Variants in UNC80 observed in about 807,000 individuals in gnomAD.
UNC80 encodes the protein protein unc-80 homolog.
Under a neutral mutation model 384.6 loss-of-function variants are expected in UNC80, and 164 were observed. The observed-to-expected ratio is 0.43, with a 90% CI of 0.38 to 0.49. The LOEUF (loss-of-function observed/expected upper bound fraction) is 0.49, where lower values mean the gene tolerates loss of function less well. Ranked by LOEUF, UNC80 falls within the 20% of genes least tolerant of loss-of-function variation. The pLI, the probability that UNC80 is intolerant of heterozygous loss-of-function variation, is 0.00. For synonymous variants in UNC80, 1,486 were observed against 1,527.8 expected (o/e 0.97, Z 0.64); for missense variants, 3,330 against 4,143.0 (o/e 0.80, Z 5.39).
At chr2:209,962,242 G>C (rs1339929302) in intron 51 of UNC80, among the ~76,000 whole-genome samples, 3 of 152,072 alleles carry the variant, frequency 2.0e-5, no homozygotes, top group African/African-American at 7.2e-5. Context: ...CAGGAAAAAA[G>C]GTTCTGGTTT....
rs953833390 is a variant in UNC80, at chr2:209,977,142, C to T, written c.8938+64C>T. The T allele has an allele frequency of 1.5e-5, 21 of 1,398,282 alleles. No homozygotes were observed. The African/African-American group carries it at 2.4e-4, about 16-fold the overall frequency. 86.6% of individuals were successfully genotyped at this position (1,398,282 alleles called of 1,614,324 possible). A position where few individuals can be genotyped will look rare whatever the true frequency, so the allele number is the denominator to read the frequency against. The stretch of plus-strand genomic sequence containing the variant: ...ATGGAACTCACAGCCTACAAAGAAT[C>T]CCTCTGTCCAGGTCACCACACTTTT... On this transcript the variant is annotated intron_variant, in intron 58 of 64. Coordinates refer to ENST00000673920, the MANE Select transcript of UNC80 (RefSeq NM_001371986.1).
rs185050865 is a variant in UNC80, at chr2:209,906,578, A to G, written c.4782+1613A>G. Among the ~76,000 whole-genome samples the G allele has an allele frequency of 1.8e-3, 269 of 152,292 alleles. 1 individual carries two copies. The highest frequency in any genetic ancestry group is 6.3e-3 in the African/African-American group (260 of 41,576). ...ATGTATTTAGCTAGACTTTAACCTT[A>G]GAAATATGGAACATCAGAGTCAGGG... On this transcript the variant is annotated intron_variant, in intron 29 of 64. Transcript: ENST00000673920.
chr2:209,831,334 T>C (rs912555293), intron 15 of UNC80, 109 bp from the exon 16 acceptor site: 4 of 1,160,130 alleles, frequency 3.4e-6, no homozygotes, highest in Non-Finnish European at 4.7e-6. Flanking sequence ...CTTGTTTCTG[T>C]ATTTCACATA....
Position 209,979,900 on chromosome 2 carries a change from A to G in UNC80, c.9118+1192A>G, listed in dbSNP as rs192179969. On this transcript the variant is annotated intron_variant, in intron 59 of 64. Transcript: ENST00000673920. The stretch of plus-strand genomic sequence containing the variant: ...AGAAGAAACGAGAGTTGAGGTTAGA[A>G]TTTTAATTAACTAAGATGAATAAAA... 1.3e-3 allele frequency among the ~76,000 whole-genome samples: 192 copies of G among 152,326 alleles called. 1 individual carries two copies. Among genetic ancestry groups the G allele is most frequent in the African/African-American group, 4.4e-3 (181 of 41,588 alleles).
At chr2:209,776,926 CTA>C (rs995787252) in intron 3 of UNC80, among the ~76,000 whole-genome samples, 7 of 152,202 alleles carry the variant, frequency 4.6e-5, no homozygotes, top group African/African-American at 1.7e-4. Context: ...AATATCACTC[CTA>C]TAGAGGGACC....
chr2:209,959,791 G>T (rs1162284801), intron 51 of UNC80, 84 bp downstream of exon 51: 23 of 1,280,206 alleles, frequency 1.8e-5, no homozygotes, highest in Non-Finnish European at 1.8e-5. Flanking sequence ...GAGAGTGGGG[G>T]TTCTCCAGGA....
At chr2:209,797,025 T>C (rs181867678) in intron 7 of UNC80, among the ~76,000 whole-genome samples, 15 of 152,312 alleles carry the variant, frequency 9.8e-5, no homozygotes, top group Admixed American at 3.3e-4. Flanking sequence ...TTTTTATTTC[T>C]ATTGGGTTGC....
At position 209,817,835 on chromosome 2, in the gene UNC80, T is replaced by C; in HGVS notation, c.1576T>C (p.Ser526Pro). ...ILGKLTRRGS[S>P]DAATEMESLS... ...AGGGAAATTGACCCGGCGAGGCAGT[T>C]CAGATGCAGCCACTGAGATGGAGAG... Residue 526 changes from serine to proline, a missense_variant, in exon 11 of 65, where the codon TCA becomes CCA. By Grantham distance (74) the Ser-to-Pro change is moderately conservative. Coordinates refer to ENST00000673920, the MANE Select transcript of UNC80 (RefSeq NM_001371986.1). 4 of 1,551,554 alleles carry C rather than the reference T, an allele frequency of 2.6e-6. No individual in the cohort carries two copies. Among genetic ancestry groups the C allele is most frequent in the Non-Finnish European group, 3.5e-6 (4 of 1,146,966 alleles).
chr2:209,799,303 G>A (rs1054002363), intron 7 of UNC80, among the ~76,000 whole-genome samples: 2 of 152,026 alleles, frequency 1.3e-5, no homozygotes, highest in Non-Finnish European at 2.9e-5. Context: ...CTTGTTAGCT[G>A]TATTTCTAGG....
In UNC80 at chr2:209,995,545, C is replaced by G; in HGVS notation, c.9925C>G (p.Pro3309Ala). The change falls in exon 65 of 65, where the codon CCC becomes GCC. Residue 3309 changes from proline to alanine, a missense_variant. Physicochemically the swap from Pro to Ala is conservative, Grantham distance 27. Transcript: ENST00000673920. ...PLLSSQFTFT[P>A]TELGKTDAVL... ...ACTATCTAGTCAGTTCACCTTTACTCCCACTGAGCTGGGGAAAACGGATGC... is the reference window on the plus strand; with the variant it reads ...ACTATCTAGTCAGTTCACCTTTACTGCCACTGAGCTGGGGAAAACGGATGC... The G allele has an allele frequency of 6.4e-7, 1 of 1,552,034 alleles. No individual in the cohort carries two copies. Among genetic ancestry groups the G allele is most frequent in the Middle Eastern group, 1.7e-4 (1 of 5,994 alleles).
intron 37 of UNC80, 77 bp downstream of exon 37, chr2:209,930,048 T>C: frequency 1.1e-6 from 1 of 942,384 alleles, no homozygotes; most frequent in South Asian, 2.0e-5. Context: ...AAGAACTTTA[T>C]AGTGCAGTGC....
intron 25 of UNC80, among the ~76,000 whole-genome samples, chr2:209,885,298 C>T (rs571472542): frequency 5.9e-5 from 9 of 152,098 alleles, no homozygotes; most frequent in Non-Finnish European, 1.2e-4. Context: ...CTTTCTGAAG[C>T]AAAATGTAAG....
At chr2:209,866,490 C>CACACA (rs1559226593) in intron 22 of UNC80, among the ~76,000 whole-genome samples, 65 of 107,582 alleles carry the variant, frequency 6.0e-4, no homozygotes, top group South Asian at 1.7e-3. Context: ...AAATGCACCC[C>CACACA]CACACACACA....
chr2:209,889,785 C>T (rs2086158443), intron 26 of UNC80, among the ~76,000 whole-genome samples: 1 of 152,202 alleles, frequency 6.6e-6, no homozygotes, highest in Admixed American at 6.5e-5. Context: ...ATGATGGTTT[C>T]CAGCTTCATC....
intron 47 of UNC80, among the ~76,000 whole-genome samples, chr2:209,951,083 G>T (rs1467278688): frequency 6.6e-6 from 1 of 152,038 alleles, no homozygotes; most frequent in African/African-American, 2.4e-5. Context: ...TAAGGTGGGA[G>T]GATTGCTTGA....
At chr2:209,978,762 G>A in intron 59 of UNC80, 54 bp downstream of exon 59, 1 of 1,412,928 alleles carries the variant, frequency 7.1e-7, no homozygotes, top group East Asian at 2.6e-5. Context: ...ATACGAGCAG[G>A]GGCTTGGGAA....
chr2:209,877,388 A>G (rs2084874450), intron 23 of UNC80, among the ~76,000 whole-genome samples: 1 of 152,214 alleles, frequency 6.6e-6, no homozygotes, highest in African/African-American at 2.4e-5. Context: ...ACCAAAAGAA[A>G]AGTTAGCATT....
At chr2:209,946,375 A>G (rs2091916555) in intron 47 of UNC80, among the ~76,000 whole-genome samples, 4 of 151,838 alleles carry the variant, frequency 2.6e-5, no homozygotes, top group Admixed American at 2.6e-4. Context: ...GTCAGAAAAA[A>G]AAAAAAAGAA....
At chr2:209,834,320 G>T (rs970312736) in intron 17 of UNC80, among the ~76,000 whole-genome samples, 152 bp downstream of exon 17, 1 of 152,204 alleles carries the variant, frequency 6.6e-6, no homozygotes, top group African/African-American at 2.4e-5. Flanking sequence ...TGGTGTAGCT[G>T]CAGCTTAGAA....
Sources: gnomAD v4.1 joint callset for allele counts (sites outside exome capture counted in the v4.1 genomes callset) on GRCh38, gnomAD v4.1.1 for gene constraint, MANE v1.5 for transcripts, NCBI Gene and HGNC (gene_info 2026-07-23, HGNC 2026-07-21) for gene names.